The following NCALD variants were observed in gnomAD, a reference collection of about 807,000 sequenced individuals.
NCALD encodes neurocalcin-delta.
Under a neutral mutation model 18.6 loss-of-function variants are expected in NCALD, and 10 were observed. The ratio of observed to expected loss-of-function variants is 0.54; its 90% CI spans 0.33 to 0.91. The LOEUF (loss-of-function observed/expected upper bound fraction) is 0.91. Among genes scored for constraint, NCALD ranks in the 40% least tolerant of loss-of-function variants. NCALD has a pLI of 0.03. For synonymous variants in NCALD, 88 were observed against 87.4 expected, an observed-to-expected ratio of 1.01 and a Z score of -0.04; for missense variants, 184 against 247.6, an observed-to-expected ratio of 0.74 and a Z score of 1.72.
chr8:101,754,778 G>A (rs929777151), intron 1 of NCALD, among the ~76,000 whole-genome samples: 6 of 152,086 alleles, frequency 3.9e-5, no homozygotes, highest in Non-Finnish European at 5.9e-5. Flanking sequence ...CTGAACCCAG[G>A]TGTCTCTCTG....
chr8:102,009,193 C>G (rs1821820285), intron 2 of NCALD, among the ~76,000 whole-genome samples: 1 of 152,200 alleles, frequency 6.6e-6, no homozygotes, highest in African/African-American at 2.4e-5. Flanking sequence ...CTTAGACAAT[C>G]CCTACCTACC....
chr8:101,779,205 C>T lies in NCALD; in HGVS notation c.-20+11657G>A, dbSNP rs146259337. Among the ~76,000 whole-genome samples the T allele has an allele frequency of 2.3e-3, 352 of 152,084 alleles. 4 individuals are homozygous for T. The highest frequency in any genetic ancestry group is 8.1e-3 in the African/African-American group (335 of 41,500). On this transcript the variant is annotated intron_variant, in intron 1 of 3. Coordinates refer to ENST00000220931, the MANE Select transcript of NCALD (RefSeq NM_032041.3). ...TGCTCTAGCAAAATTGAAAATGAGT[C>T]TAAGAAAGGGGTAGATGTGGAGACA... is the stretch of plus-strand genomic sequence containing the variant.
chr8:101,797,805 A>G (rs962816446), intron 4 of NCALD, among the ~76,000 whole-genome samples: 2 of 151,250 alleles, frequency 1.3e-5, no homozygotes, highest in African/African-American at 4.9e-5. Context: ...ATACAGTGAG[A>G]CTCCATCTCA....
At chr8:101,724,007 A>G (rs1816471124) in intron 1 of NCALD, among the ~76,000 whole-genome samples, 1 of 152,226 alleles carries the variant, frequency 6.6e-6, no homozygotes, top group Non-Finnish European at 1.5e-5. Context: ...CTAAAATAGT[A>G]ATGCTAATAC....
At chr8:101,911,397 G>A (rs1205346614) in intron 3 of NCALD, among the ~76,000 whole-genome samples, 7 of 140,892 alleles carry the variant, frequency 5.0e-5, no homozygotes, top group South Asian at 2.2e-4. Flanking sequence ...TCACTCTGTC[G>A]CCCAGGTTGG....
intron 1 of NCALD, among the ~76,000 whole-genome samples, chr8:102,067,365 C>T (rs898392298): frequency 2.0e-5 from 3 of 152,202 alleles, no homozygotes; most frequent in Non-Finnish European, 4.4e-5. Context: ...AACAATGTTA[C>T]TCAAACACTT....
chr8:101,974,990 A>G (rs1820369771), intron 2 of NCALD, among the ~76,000 whole-genome samples: 1 of 152,224 alleles, frequency 6.6e-6, no homozygotes, highest in Non-Finnish European at 1.5e-5. Flanking sequence ...ACATTTGAGC[A>G]AGACAGAACC....
At chr8:101,977,583 T>TA (rs1491582746) in intron 2 of NCALD, among the ~76,000 whole-genome samples, 5 of 152,056 alleles carry the variant, frequency 3.3e-5, no homozygotes, top group African/African-American at 4.8e-5. Context: ...TTCCTGCTCT[T>TA]ACTCTGTTTC....
At chr8:102,040,650 C>T (rs1422593411) in intron 1 of NCALD, among the ~76,000 whole-genome samples, 1 of 151,962 alleles carries the variant, frequency 6.6e-6, no homozygotes, top group African/African-American at 2.4e-5. Flanking sequence ...GAGCTTGCTG[C>T]ATACTCCAGA....
chr8:101,884,078 C>T (rs1816587654), intron 4 of NCALD, among the ~76,000 whole-genome samples: 1 of 152,214 alleles, frequency 6.6e-6, no homozygotes, highest in Non-Finnish European at 1.5e-5. Flanking sequence ...GCCCGCCTTG[C>T]TCTCCAGCAA....
chr8:101,966,545 A>G (rs1359782660), intron 2 of NCALD, among the ~76,000 whole-genome samples: 1 of 151,936 alleles, frequency 6.6e-6, no homozygotes, highest in Non-Finnish European at 1.5e-5. Context: ...TGACGAGTTA[A>G]TGGGTGCAGC....
chr8:101,786,397 G>T (rs974938029), intron 1 of NCALD, among the ~76,000 whole-genome samples: 2 of 152,096 alleles, frequency 1.3e-5, no homozygotes, highest in Admixed American at 1.3e-4. Context: ...ATAAATGTTC[G>T]CCAATTGAGT....
intron 1 of NCALD, among the ~76,000 whole-genome samples, chr8:101,742,507 CAT>C (rs1743676329): frequency 6.6e-6 from 1 of 152,058 alleles, no homozygotes; most frequent in African/African-American, 2.4e-5. Context: ...TGACTGTATT[CAT>C]AGAGAAGTGA....
At chr8:101,901,756 G>A (rs183137944) in intron 3 of NCALD, among the ~76,000 whole-genome samples, 27 of 151,302 alleles carry the variant, frequency 1.8e-4, no homozygotes, top group African/African-American at 5.3e-4. Context: ...AAACTTTATT[G>A]TACTTACCCC....
chr8:101,704,061 T>C (rs563827493), intron 2 of NCALD, among the ~76,000 whole-genome samples: 2 of 152,212 alleles, frequency 1.3e-5, no homozygotes, highest in African/African-American at 4.8e-5. Context: ...GCCTCAGTAG[T>C]GGGAATAATC....
At chr8:101,732,721 A>C (rs965238397) in intron 1 of NCALD, among the ~76,000 whole-genome samples, 2 of 146,022 alleles carry the variant, frequency 1.4e-5, no homozygotes, top group Non-Finnish European at 3.0e-5. Flanking sequence ...CTTGTGGCTC[A>C]GCCTCTGGAG....
At chr8:101,949,284 T>C (rs1819297593) in intron 2 of NCALD, among the ~76,000 whole-genome samples, 1 of 152,132 alleles carries the variant, frequency 6.6e-6, no homozygotes, top group Admixed American at 6.5e-5. Flanking sequence ...TCATGCAGAA[T>C]GTAAGACGCA....
chr8:101,761,170 A>G (rs1811094170), intron 1 of NCALD, among the ~76,000 whole-genome samples: 1 of 152,130 alleles, frequency 6.6e-6, no homozygotes, highest in Non-Finnish European at 1.5e-5. Flanking sequence ...GTTCCCATGA[A>G]TCATGATGAA....
At chr8:101,697,496 A>G (rs1417005232) in intron 2 of NCALD, among the ~76,000 whole-genome samples, 21 of 152,202 alleles carry the variant, frequency 1.4e-4, no homozygotes, top group Admixed American at 1.4e-3. Context: ...CAACAAAAAA[A>G]GAAAATTTCA....
Sources: allele counts gnomAD v4.1 joint callset (sites outside exome capture counted in the v4.1 genomes callset), GRCh38; gene constraint gnomAD v4.1.1; transcripts MANE v1.5; gene names NCBI Gene and HGNC (gene_info 2026-07-23, HGNC 2026-07-21).